The following TBL1XR1 variants were observed in gnomAD, a reference collection of about 807,000 sequenced individuals.
The protein encoded by TBL1XR1 is F-box-like/WD repeat-containing protein TBL1XR1.
A neutral mutation model predicts 66.9 loss-of-function variants in TBL1XR1; 5 were observed. That is an observed-to-expected ratio of 0.07 (90% CI 0.04 to 0.16). TBL1XR1 has a LOEUF of 0.16. Ranked by LOEUF, TBL1XR1 falls within the 10% of genes least tolerant of loss-of-function variation. The probability of loss-of-function intolerance (pLI) is 1.00; values close to 1 mark genes in which losing one functional copy is unlikely to be tolerated. For synonymous variants in TBL1XR1, 210 were observed against 206.0 expected (o/e 1.02, Z -0.17); for missense variants, 238 against 623.2 (o/e 0.38, Z 6.58).
intron 1 of TBL1XR1, among the ~76,000 whole-genome samples, chr3:177,191,452 T>G (rs1451067501): frequency 1.3e-5 from 2 of 152,220 alleles, no homozygotes; most frequent in African/African-American, 2.4e-5. Context: ...TGTCCCCTAC[T>G]ACCTGAGCCT....
At chr3:177,184,727 G>C (rs944868418) in intron 1 of TBL1XR1, among the ~76,000 whole-genome samples, 2 of 152,102 alleles carry the variant, frequency 1.3e-5, no homozygotes, top group South Asian at 2.1e-4. Flanking sequence ...CTTGAACCCT[G>C]GAGGCAGAGG....
chr3:177,146,997 A>AT (rs1308706616), intron 1 of TBL1XR1, among the ~76,000 whole-genome samples: 1 of 151,680 alleles, frequency 6.6e-6, no homozygotes, highest in Non-Finnish European at 1.5e-5. Flanking sequence ...TCAGATCATG[A>AT]TTTTTTTAGA....
intron 1 of TBL1XR1, among the ~76,000 whole-genome samples, chr3:177,128,893 T>C (rs1367736876): frequency 6.6e-6 from 1 of 152,196 alleles, no homozygotes; most frequent in Non-Finnish European, 1.5e-5. Context: ...ACAGCCACTT[T>C]CCTCATTTAT....
chr3:177,040,019 A>G (rs961007177), intron 10 of TBL1XR1, among the ~76,000 whole-genome samples: 2 of 152,204 alleles, frequency 1.3e-5, no homozygotes, highest in African/African-American at 4.8e-5. Context: ...AAAAACTTAA[A>G]GGGGAAAAAC....
chr3:177,190,005 C>T (rs1178961832), intron 1 of TBL1XR1, among the ~76,000 whole-genome samples: 1 of 151,790 alleles, frequency 6.6e-6, no homozygotes. Context: ...TGTAAGCGGA[C>T]ACCTGTAATC....
rs540047438 is a variant in TBL1XR1, at chr3:177,114,385, C to G, written c.-121-15844G>C. Among the ~76,000 whole-genome samples, 4 of 152,032 alleles carry G rather than the reference C, an allele frequency of 2.6e-5. No individual in the cohort carries two copies. In the South Asian group the frequency reaches 8.3e-4, roughly 32 times the overall value. ...GCAGTGTTATCATAGCTCACTGCAG[C>G]CTTGACCTCCACCTCCCCAACCCCA... On this transcript the variant is annotated intron_variant, in intron 1 of 15. Coordinates refer to ENST00000457928, the MANE Select transcript of TBL1XR1 (RefSeq NM_024665.7).
At chr3:177,028,858 A>G (rs1028922591) in intron 14 of TBL1XR1, among the ~76,000 whole-genome samples, 1 of 152,228 alleles carries the variant, frequency 6.6e-6, no homozygotes, top group African/African-American at 2.4e-5. Flanking sequence ...AAATACGTAA[A>G]TGGAATAAAA....
chr3:177,144,300 T>C (rs950821594), intron 1 of TBL1XR1, among the ~76,000 whole-genome samples: 2 of 152,060 alleles, frequency 1.3e-5, no homozygotes, highest in African/African-American at 4.8e-5. Flanking sequence ...CTCATGGCAC[T>C]GACAAAGAAA....
At chr3:177,048,207 C>T (rs1716580214) in intron 7 of TBL1XR1, among the ~76,000 whole-genome samples, 4 of 152,124 alleles carry the variant, frequency 2.6e-5, no homozygotes. Context: ...GAGGAAAAGT[C>T]CATATAAATT....
intron 3 of TBL1XR1, among the ~76,000 whole-genome samples, chr3:177,058,433 T>C (rs1462114214): frequency 6.6e-6 from 1 of 152,224 alleles, no homozygotes; most frequent in Non-Finnish European, 1.5e-5. Flanking sequence ...AAAATACATG[T>C]AACTATGAAC....
rs186078003 is a variant in TBL1XR1, at chr3:177,183,839, C to T, written c.-122+13282G>A. On this transcript the variant is annotated intron_variant, in intron 1 of 15. Coordinates refer to ENST00000457928, the MANE Select transcript of TBL1XR1 (RefSeq NM_024665.7). ...CTAATCGGCCGGGCATGGTGGCTCA[C>T]GCCTGTAATCCCAGCACTTCGGGAG... Among the ~76,000 whole-genome samples, 102 of 152,016 alleles carry T rather than the reference C, an allele frequency of 6.7e-4. 1 individual carries two copies. Among genetic ancestry groups the T allele is most frequent in the Admixed American group, 1.2e-3 (18 of 15,280 alleles).
intron 1 of TBL1XR1, among the ~76,000 whole-genome samples, chr3:177,184,599 C>T (rs1163721934): frequency 1.3e-5 from 2 of 152,086 alleles, no homozygotes; most frequent in Non-Finnish European, 2.9e-5. Flanking sequence ...GTCAGGAGTT[C>T]AAGACCAGCT....
chr3:177,151,010 A>G (rs1469518554), intron 1 of TBL1XR1, among the ~76,000 whole-genome samples: 3 of 152,230 alleles, frequency 2.0e-5, no homozygotes, highest in Non-Finnish European at 4.4e-5. Flanking sequence ...CTTGTTTCTG[A>G]GGTAGCTCAG....
chr3:177,134,967 CTGTG>C (rs796736140), intron 1 of TBL1XR1, among the ~76,000 whole-genome samples: 25 of 138,126 alleles, frequency 1.8e-4, no homozygotes, highest in Non-Finnish European at 2.5e-4. Context: ...GTGTGTGTGT[CTGTG>C]TGTGTGTCTG....
rs766031596 is a variant in TBL1XR1 at position 177,144,112 on chromosome 3, C to G, written c.-121-45571G>C. Among the ~76,000 whole-genome samples, 19 of 152,076 alleles carry G rather than the reference C, an allele frequency of 1.2e-4. No individual in the cohort carries two copies. In the East Asian group the frequency reaches 3.1e-3, roughly 25 times the overall value. ...AATACAAAATTAGCTGGGCATGGTG[C>G]TATATGCCTGTAATCCCAGCTACTC... On this transcript the variant is annotated intron_variant, in intron 1 of 15. Transcript: ENST00000457928.
Position 177,186,885 on chromosome 3 carries a change from G to A in TBL1XR1, c.-122+10236C>T, listed in dbSNP as rs1365630621. On this transcript the variant is annotated intron_variant, in intron 1 of 15. Coordinates refer to ENST00000457928, the MANE Select transcript of TBL1XR1 (RefSeq NM_024665.7). The stretch of plus-strand genomic sequence containing the variant: ...CAGATCACTTAAAAGTCAGGAGTTC[G>A]GCCAGGCGTGGTGGCTCACGCCTGT... Among the ~76,000 whole-genome samples the A allele has an allele frequency of 4.6e-5, 7 of 152,102 alleles. No homozygotes were observed. The South Asian group carries it at 6.2e-4, about 13-fold the overall frequency.
In TBL1XR1 at chr3:177,021,766, C is replaced by G. The variant is rs1453630678; in HGVS notation, c.*3732G>C. ...TTGCTGCCATGCCACAATGTTGGTC[C>G]ACTGAAATAGGATTTCTGCGGAAAC... On this transcript the variant is annotated 3_prime_UTR_variant, in exon 16 of 16. Coordinates refer to ENST00000457928, the MANE Select transcript of TBL1XR1 (RefSeq NM_024665.7). The G allele has an allele frequency of 6.6e-6, 1 of 152,574 alleles. No individual in the cohort carries two copies. Among genetic ancestry groups the G allele is most frequent in the African/African-American group, 2.4e-5 (1 of 41,440 alleles). 9.5% of individuals were successfully genotyped at this position (152,574 alleles called of 1,614,324 possible). A position where few individuals can be genotyped will look rare whatever the true frequency, so the allele number is the denominator to read the frequency against.
chr3:177,152,055 A>G (rs1007554309), intron 1 of TBL1XR1, among the ~76,000 whole-genome samples: 1 of 152,186 alleles, frequency 6.6e-6, no homozygotes, highest in Non-Finnish European at 1.5e-5. Context: ...ACTGAATACA[A>G]TTTGTTCCAA....
chr3:177,026,259 TATC>T, intron 15 of TBL1XR1, 111 bp downstream of exon 15: 1 of 821,148 alleles, frequency 1.2e-6, no homozygotes, highest in South Asian at 1.8e-5. Flanking sequence ...AAAAAATCAG[TATC>T]ATACCTTAAA....
Sources: gnomAD v4.1 joint callset for allele counts (sites outside exome capture counted in the v4.1 genomes callset) on GRCh38, gnomAD v4.1.1 for gene constraint, MANE v1.5 for transcripts, NCBI Gene and HGNC (gene_info 2026-07-23, HGNC 2026-07-21) for gene names.